Variants in PRKAG2 observed in about 807,000 individuals in gnomAD.
PRKAG2 encodes protein kinase AMP-activated non-catalytic subunit gamma 2.
PRKAG2 carries 26 observed loss-of-function variants against 69.6 expected under a neutral mutation model. The ratio of observed to expected loss-of-function variants is 0.37; its 90% CI spans 0.27 to 0.52. The LOEUF (loss-of-function observed/expected upper bound fraction) is 0.52. PRKAG2 is among the 20% of genes least tolerant of loss of function. The pLI is 0.90. For synonymous variants in PRKAG2, 293 were observed against 285.0 expected (o/e 1.03, Z -0.28); for missense variants, 557 against 740.0 (o/e 0.75, Z 2.87).
chr7:151,728,321 T>C (rs1350808157), intron 3 of PRKAG2, among the ~76,000 whole-genome samples: 2 of 152,182 alleles, frequency 1.3e-5, no homozygotes, highest in Non-Finnish European at 2.9e-5. Context: ...GCAGAATTCA[T>C]CTTGCTCTCT....
At chr7:151,751,275 T>A (rs1249389469) in intron 3 of PRKAG2, among the ~76,000 whole-genome samples, 2 of 151,166 alleles carry the variant, frequency 1.3e-5, no homozygotes, top group Non-Finnish European at 3.0e-5. Flanking sequence ...TTTTTATTTA[T>A]TTATTTATTT....
At chr7:151,694,198 C>T (rs1836203413) in intron 3 of PRKAG2, among the ~76,000 whole-genome samples, 1 of 152,326 alleles carries the variant, frequency 6.6e-6, no homozygotes, top group Admixed American at 6.5e-5. Flanking sequence ...TTATAAGCCA[C>T]CCAGTCTATG....
intron 15 of PRKAG2, chr7:151,558,705 C>T (rs929572032): frequency 2.3e-5 from 23 of 985,186 alleles, no homozygotes; most frequent in Non-Finnish European, 2.7e-5. Context: ...AATTCCAACC[C>T]AGCTACCCCC....
chr7:151,590,806 C>T (rs866814397), intron 6 of PRKAG2, among the ~76,000 whole-genome samples: 40 of 152,310 alleles, frequency 2.6e-4, no homozygotes, highest in South Asian at 6.2e-4. Context: ...AGGACAAAGA[C>T]GAGAAATTTA....
At chr7:151,733,885 G>C (rs1799350009) in intron 3 of PRKAG2, among the ~76,000 whole-genome samples, 1 of 151,846 alleles carries the variant, frequency 6.6e-6, no homozygotes, top group East Asian at 1.9e-4. Flanking sequence ...TTGTAGAGAG[G>C]GGTCTCATGA....
chr7:151,876,299 C>A (rs1022199163), intron 1 of PRKAG2, among the ~76,000 whole-genome samples: 2 of 152,092 alleles, frequency 1.3e-5, no homozygotes, highest in Non-Finnish European at 2.9e-5. Flanking sequence ...GAGCCCCAGC[C>A]CTGGCTGCAC....
At chr7:151,680,128 C>A (rs981543880) in intron 3 of PRKAG2, among the ~76,000 whole-genome samples, 1 of 152,180 alleles carries the variant, frequency 6.6e-6, no homozygotes, top group Non-Finnish European at 1.5e-5. Context: ...GAAACAGGTA[C>A]TCTGTGGTGC....
At position 151,876,836 on chromosome 7, in the gene PRKAG2, TC is replaced by T. The variant is rs2080417379; in HGVS notation, c.-217del. On this transcript the variant is annotated 5_prime_UTR_variant, in exon 1 of 16. Transcript: ENST00000287878. ...TCAAGCGTCCTTTCCTACGGAACCC[TC>T]GTAGGCAAATCAGTCAAAGCCCGTC... 1.6e-6 allele frequency: 1 copy of T among 610,418 alleles called. No homozygotes were observed. The highest frequency in any genetic ancestry group is 1.8e-5 in the African/African-American group (1 of 54,238). The allele number at this position is 610,418 out of a possible 1,614,324, so 37.8% of individuals were successfully genotyped here.
At chr7:151,677,568 T>C (rs1476212376) in intron 3 of PRKAG2, among the ~76,000 whole-genome samples, 3 of 152,244 alleles carry the variant, frequency 2.0e-5, no homozygotes, top group East Asian at 1.9e-4. Context: ...AAACCAAAGA[T>C]GTCAGTGAAC....
chr7:151,786,320 T>A, intron 2 of PRKAG2, 150 bp downstream of exon 2: 1 of 781,010 alleles, frequency 1.3e-6, no homozygotes, highest in Non-Finnish European at 2.2e-6. Context: ...AGGTGAGCTG[T>A]CGCAGGATGG....
chr7:151,608,171 G>A (rs2151200679), intron 5 of PRKAG2, among the ~76,000 whole-genome samples: 1 of 152,280 alleles, frequency 6.6e-6, no homozygotes, highest in South Asian at 2.1e-4. Flanking sequence ...TTCTCCCTCA[G>A]CCTCCAGAAG....
intron 3 of PRKAG2, among the ~76,000 whole-genome samples, chr7:151,690,022 A>T (rs1835414826): frequency 6.6e-6 from 1 of 152,208 alleles, no homozygotes; most frequent in Non-Finnish European, 1.5e-5. Context: ...AAGGGAAATA[A>T]GCGTCTCGTG....
chr7:151,799,901 G>T (rs1261298885), intron 1 of PRKAG2, among the ~76,000 whole-genome samples: 2 of 152,160 alleles, frequency 1.3e-5, no homozygotes, highest in African/African-American at 2.4e-5. Flanking sequence ...TCACGGGTGG[G>T]CTAACAACAC....
chr7:151,640,960 G>T (rs1414140041), intron 4 of PRKAG2, among the ~76,000 whole-genome samples: 1 of 152,142 alleles, frequency 6.6e-6, no homozygotes, highest in Admixed American at 6.6e-5. Flanking sequence ...AGCATAAATG[G>T]GTTTAGAAGT....
intron 4 of PRKAG2, among the ~76,000 whole-genome samples, chr7:151,673,181 CGTCT>C (rs1563394317): frequency 6.6e-6 from 1 of 152,200 alleles, no homozygotes; most frequent in Non-Finnish European, 1.5e-5. Flanking sequence ...AAGAGCCCTG[CGTCT>C]GTGTCTGTCA....
At chr7:151,619,443 G>A (rs1049933780) in intron 5 of PRKAG2, among the ~76,000 whole-genome samples, 1 of 152,262 alleles carries the variant, frequency 6.6e-6, no homozygotes, top group South Asian at 2.1e-4. Flanking sequence ...TGAACACATC[G>A]GTTTTTCACT....
intron 13 of PRKAG2, 195 bp from the exon 14 acceptor site, chr7:151,564,419 A>G: frequency 1.7e-6 from 1 of 572,780 alleles, no homozygotes. Flanking sequence ...ATCAATCACA[A>G]TTAAAGATAA....
At chr7:151,773,019 AAGAAAG>A (rs1460619038) in intron 3 of PRKAG2, among the ~76,000 whole-genome samples, 378 of 23,442 alleles carry the variant, frequency 0.016, 5 homozygotes, top group African/African-American at 0.077. Context: ...GAAAGAAAGA[AAGAAAG>A]AGAGAGAGAG....
chr7:151,687,228 G>A (rs1016936715), intron 3 of PRKAG2, among the ~76,000 whole-genome samples: 2 of 152,154 alleles, frequency 1.3e-5, no homozygotes, highest in African/African-American at 4.8e-5. Context: ...TTGCTTGGAG[G>A]TCAGAGTTCT....
Sources: allele counts gnomAD v4.1 joint callset (sites outside exome capture counted in the v4.1 genomes callset), GRCh38; gene constraint gnomAD v4.1.1; transcripts MANE v1.5; gene names NCBI Gene and HGNC (gene_info 2026-07-23, HGNC 2026-07-21).